CTBP2: variants seen among roughly 807,000 people sequenced by gnomAD.
CTBP2 encodes C-terminal binding protein 2.
In CTBP2, 30 loss-of-function variants were observed where a neutral mutation model predicts 80.3. The ratio of observed to expected loss-of-function variants is 0.37; its 90% CI spans 0.28 to 0.51. CTBP2 has a LOEUF of 0.51. Among genes scored for constraint, CTBP2 ranks in the 20% least tolerant of loss-of-function variants. The pLI, the probability that CTBP2 is intolerant of heterozygous loss-of-function variation, is 0.93. For synonymous variants in CTBP2, 594 were observed against 587.4 expected (o/e 1.01, Z -0.16); for missense variants, 1,212 against 1,375.3 (o/e 0.88, Z 1.88).
intron 1 of CTBP2, among the ~76,000 whole-genome samples, chr10:125,007,782 T>G (rs1369346603): frequency 6.6e-6 from 1 of 152,198 alleles, no homozygotes; most frequent in Non-Finnish European, 1.5e-5. Flanking sequence ...CCGACATCCT[T>G]CCAACAGAAA....
Position 125,038,947 on chromosome 10 carries a change from T to G in CTBP2, c.58+50A>C, listed in dbSNP as rs1959164997. On this transcript the variant is annotated intron_variant, in intron 3 of 10. Coordinates refer to the CTBP2 transcript ENST00000337195. ...CTCAAGGGAGCAGCCAGCGAAGATTTGAGTGAGGGACTACGTATGTTTGGT... is the reference window on the plus strand; with the variant it reads ...CTCAAGGGAGCAGCCAGCGAAGATTGGAGTGAGGGACTACGTATGTTTGGT... The G allele has an allele frequency of 3.8e-6, 6 of 1,585,408 alleles. No individual in the cohort carries two copies. The East Asian group carries it at 1.3e-4, about 36-fold the overall frequency.
At chr10:125,140,867 T>C (rs1020817676) in intron 1 of CTBP2, among the ~76,000 whole-genome samples, 5 of 150,404 alleles carry the variant, frequency 3.3e-5, no homozygotes, top group Non-Finnish European at 7.4e-5. Context: ...TGGCTGGGCA[T>C]GGTGGCTCAC....
chr10:125,012,855 C>T (rs1290593858), intron 1 of CTBP2, among the ~76,000 whole-genome samples: 1 of 152,172 alleles, frequency 6.6e-6, no homozygotes, highest in African/African-American at 2.4e-5. Flanking sequence ...GCTGGGATTA[C>T]AGGCATGAGC....
At chr10:125,017,101 G>A (rs889106805) in intron 1 of CTBP2, among the ~76,000 whole-genome samples, 5 of 152,126 alleles carry the variant, frequency 3.3e-5, no homozygotes, top group Non-Finnish European at 7.3e-5. Context: ...TAGGAACCCC[G>A]GGGGAAGTCA....
chr10:125,103,707 G>A lies in CTBP2; in HGVS notation c.-102+7283C>T, dbSNP rs116085659. Among the ~76,000 whole-genome samples the A allele has an allele frequency of 6.7e-3, 1,023 of 152,244 alleles. 16 individuals carry two copies. The highest frequency in any genetic ancestry group is 0.023 in the African/African-American group (939 of 41,536). On this transcript the variant is annotated intron_variant, in intron 2 of 10. Coordinates refer to the CTBP2 transcript ENST00000337195. ...CAGGCCCCATCCATGCCCCCCAGGC[G>A]TCCCACCACCGCGGAAGTGGGTGAT...
chr10:125,142,125 G>A (rs1467221159), intron 1 of CTBP2, among the ~76,000 whole-genome samples: 1 of 152,200 alleles, frequency 6.6e-6, no homozygotes, highest in African/African-American at 2.4e-5. Flanking sequence ...GGTTTGCAGG[G>A]GACGGGGGCG....
intron 2 of CTBP2, among the ~76,000 whole-genome samples, chr10:125,044,932 C>G (rs1291544536): frequency 6.6e-6 from 1 of 152,192 alleles, no homozygotes; most frequent in Non-Finnish European, 1.5e-5. Context: ...GGAAATGAAG[C>G]TTTTTGAGAA....
intron 2 of CTBP2, among the ~76,000 whole-genome samples, chr10:125,093,783 G>A (rs1447892810): frequency 2.6e-5 from 4 of 152,174 alleles, no homozygotes; most frequent in Non-Finnish European, 2.9e-5. Flanking sequence ...CAGAACGCGC[G>A]CAACCGTGGC....
chr10:124,989,307 T>TAATA lies in CTBP2; in HGVS notation c.*207_*210dup. On this transcript the variant is annotated 3_prime_UTR_variant, in exon 9 of 9. Transcript: ENST00000309035. Reference sequence around the variant, plus strand: ...ACACACAATAACAGAAGTTGGTCGTTAATAAATCACATCCTAGTCTTTCAG... The same window carrying TAATA: ...ACACACAATAACAGAAGTTGGTCGTTAATAAATAAATCACATCCTAGTCTTTCAG... 1 of 590,140 alleles carries TAATA rather than the reference T, an allele frequency of 1.7e-6. No homozygotes were observed. The highest frequency in any genetic ancestry group is 3.0e-5 in the Admixed American group (1 of 33,528). The allele number at this position is 590,140 out of a possible 1,614,324, so 36.6% of individuals were successfully genotyped here.
chr10:125,159,985 G>C (rs1468773256), intron 1 of CTBP2: 3 of 150,092 alleles, frequency 2.0e-5, no homozygotes, highest in East Asian at 3.9e-4. Flanking sequence ...AACCCTGATG[G>C]GAAGGAAGGT....
chr10:125,020,271 T>C (rs1287819360), intron 1 of CTBP2, among the ~76,000 whole-genome samples: 2 of 152,060 alleles, frequency 1.3e-5, no homozygotes, highest in South Asian at 2.1e-4. Flanking sequence ...CCAGGTGTGA[T>C]GTGGTTCTCA....
chr10:125,142,483 C>T (rs528268025), intron 1 of CTBP2, among the ~76,000 whole-genome samples: 6 of 152,176 alleles, frequency 3.9e-5, no homozygotes, highest in Admixed American at 1.3e-4. Context: ...GGAGTCAGGG[C>T]GGGGAGGCAG....
At chr10:125,090,160 A>T (rs1215507036) in intron 2 of CTBP2, among the ~76,000 whole-genome samples, 3 of 152,020 alleles carry the variant, frequency 2.0e-5, no homozygotes, top group Non-Finnish European at 2.9e-5. Flanking sequence ...AAGGCACTTA[A>T]TAGAGGGATA....
chr10:125,086,803 T>G (rs1415777084), intron 2 of CTBP2, among the ~76,000 whole-genome samples: 1 of 152,042 alleles, frequency 6.6e-6, no homozygotes, highest in African/African-American at 2.4e-5. Flanking sequence ...GGAATTTTGT[T>G]ATAGTAGCCA....
intron 1 of CTBP2, among the ~76,000 whole-genome samples, chr10:125,113,726 G>A (rs1394438523): frequency 6.6e-6 from 1 of 152,188 alleles, no homozygotes; most frequent in Non-Finnish European, 1.5e-5. Context: ...TAATCTTGAT[G>A]GTGGGTACAG....
chr10:125,064,609 C>T (rs1844348223), intron 2 of CTBP2, among the ~76,000 whole-genome samples: 1 of 152,240 alleles, frequency 6.6e-6, no homozygotes, highest in East Asian at 1.9e-4. Flanking sequence ...AGAGTGCGTG[C>T]TCTGAATCTG....
At chr10:124,992,232 G>A (rs1318267376) in intron 8 of CTBP2, among the ~76,000 whole-genome samples, 1 of 112,054 alleles carries the variant, frequency 8.9e-6, no homozygotes, top group Non-Finnish European at 1.9e-5. Context: ...TTTTTTTGGT[G>A]GTGGGGTGGG....
At chr10:125,005,484 A>C in intron 1 of CTBP2, 1 of 1,494,430 alleles carries the variant, frequency 6.7e-7, no homozygotes, top group South Asian at 1.3e-5. Context: ...CTGCACCAGG[A>C]AAACAGGGCA....
intron 1 of CTBP2, among the ~76,000 whole-genome samples, chr10:125,153,428 T>C (rs1305299220): frequency 6.6e-6 from 1 of 152,226 alleles, no homozygotes; most frequent in East Asian, 1.9e-4. Context: ...TTTGCACTTC[T>C]AGACTGCACG....
Sources: allele counts gnomAD v4.1 joint callset (sites outside exome capture counted in the v4.1 genomes callset), GRCh38; gene constraint gnomAD v4.1.1; transcripts MANE v1.5; gene names NCBI Gene and HGNC (gene_info 2026-07-23, HGNC 2026-07-21).